DPYD: variants seen among roughly 807,000 people sequenced by gnomAD.
The protein encoded by DPYD is dihydropyrimidine dehydrogenase, also known as dihydropyrimidine dehydrogenase [NADP(+)].
DPYD carries 109 observed loss-of-function variants against 116.2 expected under a neutral mutation model. The observed-to-expected ratio is 0.94, with a 90% confidence interval of 0.80 to 1.10. The LOEUF (loss-of-function observed/expected upper bound fraction) is 1.10. DPYD is among the 50% of genes least tolerant of loss of function. The pLI is 0.00. For missense variants in DPYD, 1,302 were observed against 1,254.5 expected (o/e 1.04, Z -0.57); for synonymous variants, 440 against 432.0 (o/e 1.02, Z -0.23).
In DPYD at chr1:97,404,251, A is replaced by G. The variant is rs543801694; in HGVS notation, c.1906-21790T>C. Reference sequence around the variant, plus strand: ...AATGCTCCATGTAAACTTGAGAAAAATGTGTATTCTGTTATTGAATGTTGT... The same window carrying G: ...AATGCTCCATGTAAACTTGAGAAAAGTGTGTATTCTGTTATTGAATGTTGT... On this transcript the variant is annotated intron_variant, in intron 14 of 22. Coordinates refer to ENST00000370192, the MANE Select transcript of DPYD (RefSeq NM_000110.4). 1.2e-4 allele frequency among the ~76,000 whole-genome samples: 18 copies of G among 152,158 alleles called. No homozygotes were observed. The East Asian group carries it at 2.9e-3, about 24-fold the overall frequency.
intron 2 of DPYD, among the ~76,000 whole-genome samples, chr1:97,880,590 A>G (rs1319779413): frequency 5.9e-5 from 9 of 151,948 alleles, no homozygotes; most frequent in Admixed American, 5.9e-4. Flanking sequence ...CATCAGTGCA[A>G]TAAATCTGAT....
chr1:97,846,017 C>T (rs1670283326), intron 2 of DPYD, among the ~76,000 whole-genome samples: 1 of 152,236 alleles, frequency 6.6e-6, no homozygotes, highest in Non-Finnish European at 1.5e-5. Flanking sequence ...TCACACACCT[C>T]TTGCCACTCT....
chr1:97,383,487 A>AT, intron 14 of DPYD, among the ~76,000 whole-genome samples: 1 of 148,398 alleles, frequency 6.7e-6, no homozygotes, highest in East Asian at 2.0e-4. Context: ...AAAAAAAAAA[A>AT]AGAAAAAAAG....
At chr1:97,692,179 T>C (rs945190050) in intron 6 of DPYD, among the ~76,000 whole-genome samples, 1 of 151,864 alleles carries the variant, frequency 6.6e-6, no homozygotes, top group Non-Finnish European at 1.5e-5. Context: ...TAGATGGAGA[T>C]ATAGATTTTA....
Position 97,099,870 on chromosome 1 carries a change from C to T in DPYD, c.2623-1238G>A, listed in dbSNP as rs546972971. Among the ~76,000 whole-genome samples the T allele has an allele frequency of 2.6e-5, 4 of 152,066 alleles. No individual in the cohort carries two copies. In the South Asian group the frequency reaches 8.3e-4, roughly 32 times the overall value. On this transcript the variant is annotated intron_variant, in intron 20 of 22. Transcript: ENST00000370192. Reference sequence around the variant, plus strand: ...AACTTAAACCATGTTCCAATTAAGCCGAACTGCAAACTGCAACTGTAATTC... The same window carrying T: ...AACTTAAACCATGTTCCAATTAAGCTGAACTGCAAACTGCAACTGTAATTC...
At chr1:97,442,219 C>T (rs1473887126) in intron 14 of DPYD, among the ~76,000 whole-genome samples, 1 of 151,890 alleles carries the variant, frequency 6.6e-6, no homozygotes, top group African/African-American at 2.4e-5. Flanking sequence ...GGGCCTGGGG[C>T]AAGTCCTTTG....
At chr1:97,458,896 A>C (rs558011899) in intron 13 of DPYD, among the ~76,000 whole-genome samples, 15 of 152,292 alleles carry the variant, frequency 9.8e-5, no homozygotes, top group African/African-American at 3.6e-4. Flanking sequence ...AAATATTTAT[A>C]AATTCCCATA....
At chr1:97,868,876 G>T (rs991463580) in intron 2 of DPYD, among the ~76,000 whole-genome samples, 1 of 151,686 alleles carries the variant, frequency 6.6e-6, no homozygotes, top group Non-Finnish European at 1.5e-5. Flanking sequence ...TTTTTTGGTT[G>T]TCTATATCTC....
At chr1:97,366,090 C>T (rs192319651) in intron 16 of DPYD, among the ~76,000 whole-genome samples, 1 of 152,100 alleles carries the variant, frequency 6.6e-6, no homozygotes, top group Non-Finnish European at 1.5e-5. Context: ...TACATCATTA[C>T]CAACATTAAT....
intron 13 of DPYD, among the ~76,000 whole-genome samples, chr1:97,474,308 A>C (rs1276903839): frequency 6.6e-6 from 1 of 151,958 alleles, no homozygotes; most frequent in African/African-American, 2.4e-5. Context: ...TGAAATGTAA[A>C]TGCCAATATA....
intron 19 of DPYD, among the ~76,000 whole-genome samples, chr1:97,207,479 G>A (rs1484970186): frequency 6.6e-6 from 1 of 152,002 alleles, no homozygotes; most frequent in Non-Finnish European, 1.5e-5. Context: ...ATAGATTTTT[G>A]CATCTCTGGT....
At chr1:97,600,237 C>T (rs1310215112) in intron 8 of DPYD, among the ~76,000 whole-genome samples, 1 of 152,104 alleles carries the variant, frequency 6.6e-6, no homozygotes, top group African/African-American at 2.4e-5. Flanking sequence ...ATGGCAAATA[C>T]CGTAAGTTTT....
At chr1:97,464,999 C>T (rs1677236099) in intron 13 of DPYD, among the ~76,000 whole-genome samples, 1 of 152,184 alleles carries the variant, frequency 6.6e-6, no homozygotes, top group South Asian at 2.1e-4. Context: ...AGGGCTATAC[C>T]CTGCAAAGCC....
intron 11 of DPYD, among the ~76,000 whole-genome samples, chr1:97,554,127 T>C (rs1006826514): frequency 1.3e-5 from 2 of 152,128 alleles, no homozygotes; most frequent in Non-Finnish European, 2.9e-5. Context: ...ACACAAGTTC[T>C]TCAATAAGCC....
intron 3 of DPYD, among the ~76,000 whole-genome samples, chr1:97,810,971 T>A (rs1376295210): frequency 6.6e-6 from 1 of 152,096 alleles, no homozygotes; most frequent in East Asian, 1.9e-4. Flanking sequence ...GCGTTTTTCA[T>A]ATTGGTCTTC....
At chr1:97,430,034 C>T (rs1397972560) in intron 14 of DPYD, among the ~76,000 whole-genome samples, 2 of 152,108 alleles carry the variant, frequency 1.3e-5, no homozygotes, top group South Asian at 4.1e-4. Flanking sequence ...CAGACTAAGT[C>T]ATATAATGCT....
chr1:97,106,560 T>G (rs1400202151), intron 20 of DPYD, among the ~76,000 whole-genome samples: 1 of 152,144 alleles, frequency 6.6e-6, no homozygotes, highest in Non-Finnish European at 1.5e-5. Context: ...TCTAGGTTCT[T>G]GGGCCTTTGG....
intron 13 of DPYD, among the ~76,000 whole-genome samples, chr1:97,450,836 A>G (rs1480330570): frequency 1.3e-5 from 2 of 152,138 alleles, no homozygotes; most frequent in African/African-American, 4.8e-5. Context: ...GAGTATATCA[A>G]TAACTTCCTG....
At chr1:97,150,592 G>A (rs1654941630) in intron 20 of DPYD, among the ~76,000 whole-genome samples, 1 of 152,148 alleles carries the variant, frequency 6.6e-6, no homozygotes, top group African/African-American at 2.4e-5. Flanking sequence ...CTCTGAAGAA[G>A]CCCTCTTCTC....
Sources: gnomAD v4.1 joint callset for allele counts (sites outside exome capture counted in the v4.1 genomes callset) on GRCh38, gnomAD v4.1.1 for gene constraint, MANE v1.5 for transcripts, NCBI Gene and HGNC (gene_info 2026-07-23, HGNC 2026-07-21) for gene names.